MCTP2: variants seen among roughly 807,000 people sequenced by gnomAD.
MCTP2 encodes multiple C2 and transmembrane domain containing 2.
Under a neutral mutation model 111.6 loss-of-function variants are expected in MCTP2, and 132 were observed. The ratio of observed to expected loss-of-function variants is 1.18; its 90% CI spans 1.03 to 1.37. The LOEUF (loss-of-function observed/expected upper bound fraction) is 1.37, where lower values mean the gene tolerates loss of function less well. MCTP2 is among the 40% of genes most tolerant of loss of function. The probability of loss-of-function intolerance (pLI) is 0.00; values close to 1 mark genes in which losing one functional copy is unlikely to be tolerated. For synonymous variants in MCTP2, 395 were observed against 387.7 expected (o/e 1.02, Z -0.22); for missense variants, 1,183 against 1,067.9 (o/e 1.11, Z -1.50).
chr15:94,390,259 A>T (rs1445623863), intron 14 of MCTP2, among the ~76,000 whole-genome samples: 1 of 151,860 alleles, frequency 6.6e-6, no homozygotes, highest in East Asian at 1.9e-4. Context: ...TTAATAAAAT[A>T]TTCATGGTTA....
intron 14 of MCTP2, among the ~76,000 whole-genome samples, chr15:94,395,712 T>C (rs2081248885): frequency 6.6e-6 from 1 of 152,198 alleles, no homozygotes; most frequent in Non-Finnish European, 1.5e-5. Context: ...TTGGTAAATA[T>C]ATTTAATATT....
chr15:94,374,734 C>A (rs938119790), intron 12 of MCTP2, among the ~76,000 whole-genome samples: 16 of 152,150 alleles, frequency 1.1e-4, no homozygotes, highest in African/African-American at 3.9e-4. Context: ...TGGCCCTTAC[C>A]CTGTTCCTCC....
chr15:94,276,045 C>A (rs147732902), intron 1 of MCTP2, among the ~76,000 whole-genome samples: 1 of 151,904 alleles, frequency 6.6e-6, no homozygotes, highest in East Asian at 1.9e-4. Context: ...GGGATTTCAC[C>A]GTGTTAGCCA....
intron 1 of MCTP2, among the ~76,000 whole-genome samples, chr15:94,276,002 T>C (rs10152554): frequency 0.016 from 2,492 of 152,100 alleles, 41 homozygotes; most frequent in Admixed American, 0.039. Flanking sequence ...CTTGCCACCA[T>C]GCCCAGCTAA....
rs113946514 is a variant in MCTP2, at chr15:94,478,534, A to G, written c.2569-432A>G. Among the ~76,000 whole-genome samples, 987 of 152,312 alleles carry G rather than the reference A, an allele frequency of 6.5e-3. 14 individuals carry two copies. The highest frequency in any genetic ancestry group is 0.023 in the African/African-American group (943 of 41,572). The stretch of plus-strand genomic sequence containing the variant: ...ATCAATTTCAGCATTTTTTCCTCTC[A>G]GGCAAAGTAAATGTGTATAATTTTC... On this transcript the variant is annotated intron_variant, in intron 22 of 22. Transcript: ENST00000357742.
At chr15:94,232,671 A>G (rs1237549413) in intron 1 of MCTP2, among the ~76,000 whole-genome samples, 2 of 152,152 alleles carry the variant, frequency 1.3e-5, no homozygotes, top group Non-Finnish European at 2.9e-5. Flanking sequence ...GGGAATCTTA[A>G]GGCACTTATT....
At chr15:94,328,867 C>A (rs912125181) in intron 4 of MCTP2, among the ~76,000 whole-genome samples, 20 of 152,140 alleles carry the variant, frequency 1.3e-4, no homozygotes, top group African/African-American at 4.8e-4. Context: ...GGGGTCCTAT[C>A]TTTGGAAGAC....
intron 4 of MCTP2, among the ~76,000 whole-genome samples, chr15:94,331,909 G>GA (rs1279278632): frequency 1.3e-5 from 2 of 152,306 alleles, no homozygotes; most frequent in East Asian, 3.9e-4. Context: ...GACTGGGGAA[G>GA]AAACTGTTCT....
intron 17 of MCTP2, among the ~76,000 whole-genome samples, chr15:94,434,225 C>T (rs1480435491): frequency 6.6e-6 from 1 of 151,906 alleles, no homozygotes; most frequent in Non-Finnish European, 1.5e-5. Context: ...CCTCAGCCTC[C>T]CAAGTAGCTG....
chr15:94,274,042 T>C (rs2074054819), intron 1 of MCTP2: 2 of 189,994 alleles, frequency 1.1e-5, no homozygotes, highest in Admixed American at 1.1e-4. Context: ...TAACTGGAGA[T>C]TTTTGGCCTA....
intron 10 of MCTP2, among the ~76,000 whole-genome samples, chr15:94,363,191 C>T (rs1423704918): frequency 2.0e-5 from 3 of 152,142 alleles, no homozygotes; most frequent in African/African-American, 7.2e-5. Flanking sequence ...GTATTCAAAT[C>T]TTCAAATCTA....
chr15:94,465,810 T>TGAAACACTCTTGCTATTCTTTTAG (rs139555947), intron 20 of MCTP2, among the ~76,000 whole-genome samples: 13,722 of 152,076 alleles, frequency 0.09, 667 homozygotes, highest in East Asian at 0.18. Flanking sequence ...TGCTAGGAAT[T>TGAAACACTCTTGCTATTCTTTTAG]GAAACACTCT....
intron 14 of MCTP2, among the ~76,000 whole-genome samples, chr15:94,390,317 C>G (rs1596555855): frequency 6.6e-6 from 1 of 151,816 alleles, no homozygotes; most frequent in East Asian, 1.9e-4. Context: ...CTGAAGACTT[C>G]TAATATTTGC....
chr15:94,468,197 A>T (rs894106479), intron 20 of MCTP2, among the ~76,000 whole-genome samples: 6 of 150,870 alleles, frequency 4.0e-5, no homozygotes, highest in African/African-American at 1.5e-4. Flanking sequence ...ACAGCTCAGG[A>T]GAAAACTAGC....
chr15:94,271,428 C>G (rs1442563225), intron 1 of MCTP2, among the ~76,000 whole-genome samples: 2 of 152,130 alleles, frequency 1.3e-5, no homozygotes, highest in African/African-American at 2.4e-5. Context: ...AAATTGGTTG[C>G]AAATCTCTAG....
rs570316235 is a variant in MCTP2 at position 94,403,250 on chromosome 15, G to A, written c.2085+1231G>A. 5.0e-4 allele frequency: 496 copies of A among 983,998 alleles called. 6 individuals carry two copies. The highest frequency in any genetic ancestry group is 5.2e-4 in the Middle Eastern group (1 of 1,934). 61.0% of individuals were successfully genotyped at this position (983,998 alleles called of 1,614,324 possible). On this transcript the variant is annotated intron_variant, in intron 17 of 22. Transcript: ENST00000357742. Reference sequence around the variant, plus strand: ...GGCCTTAATAAAAACACTAATAAAGGTTTTATTAATCTGTATCCGTCATTG... The same window carrying A: ...GGCCTTAATAAAAACACTAATAAAGATTTTATTAATCTGTATCCGTCATTG...
chr15:94,238,816 T>C (rs1162006820), intron 1 of MCTP2, among the ~76,000 whole-genome samples: 1 of 151,888 alleles, frequency 6.6e-6, no homozygotes, highest in Admixed American at 6.6e-5. Context: ...ATGGATGCTT[T>C]TGAGGAACTG....
chr15:94,464,257 T>TATTATATATATATATATATTA (rs4001978), intron 20 of MCTP2, among the ~76,000 whole-genome samples: 10 of 44,944 alleles, frequency 2.2e-4, no homozygotes, highest in African/African-American at 5.4e-4. Flanking sequence ...TATATATATA[T>TATTATATATATATATATATTA]TATATATATA....
chr15:94,472,535 A>T (rs2074013823), intron 21 of MCTP2, among the ~76,000 whole-genome samples: 1 of 152,150 alleles, frequency 6.6e-6, no homozygotes, highest in Non-Finnish European at 1.5e-5. Flanking sequence ...AACTTTTTGC[A>T]TCTACTTAAT....
Sources: allele counts gnomAD v4.1 joint callset (sites outside exome capture counted in the v4.1 genomes callset), GRCh38; gene constraint gnomAD v4.1.1; transcripts MANE v1.5; gene names NCBI Gene and HGNC (gene_info 2026-07-23, HGNC 2026-07-21).